Variants in GDAP1 observed in about 807,000 individuals in gnomAD.
The protein encoded by GDAP1 is ganglioside induced differentiation associated protein 1.
A neutral mutation model predicts 40.1 loss-of-function variants in GDAP1; 34 were observed. The observed-to-expected ratio is 0.85, with a 90% CI of 0.64 to 1.13. GDAP1 has a LOEUF of 1.13. Among genes scored for constraint, GDAP1 ranks in the 50% most tolerant of loss-of-function variants. The pLI, the probability that GDAP1 is intolerant of heterozygous loss-of-function variation, is 0.00. For missense variants in GDAP1, 374 were observed against 433.7 expected, an observed-to-expected ratio of 0.86 and a Z score of 1.22; for synonymous variants, 170 against 157.4, an observed-to-expected ratio of 1.08 and a Z score of -0.60.
chr8:74,391,566 A>G (rs1400398044), intron 2 of GDAP1, among the ~76,000 whole-genome samples: 3 of 151,684 alleles, frequency 2.0e-5, no homozygotes, highest in African/African-American at 4.8e-5. Flanking sequence ...GAAATGCAGA[A>G]ATCACCCACC....
intron 2 of GDAP1, among the ~76,000 whole-genome samples, chr8:74,458,336 C>T (rs1292476017): frequency 6.6e-6 from 1 of 151,664 alleles, no homozygotes; most frequent in African/African-American, 2.4e-5. Context: ...CCAGATTGTC[C>T]CAAGACACCA....
At chr8:74,392,072 G>T (rs1810118950) in intron 2 of GDAP1, among the ~76,000 whole-genome samples, 1 of 152,108 alleles carries the variant, frequency 6.6e-6, no homozygotes, top group Admixed American at 6.6e-5. Flanking sequence ...GCCTTCCTCG[G>T]CCTCCCAAAG....
downstream of GDAP1, among the ~76,000 whole-genome samples, chr8:74,371,547 C>T (rs937844850): frequency 5.9e-5 from 9 of 151,704 alleles, no homozygotes; most frequent in African/African-American, 1.7e-4. Flanking sequence ...GTAGTCCCAG[C>T]TACTTGGGAG....
chr8:74,482,651 G>A (rs2084004574), intron 2 of GDAP1, among the ~76,000 whole-genome samples: 1 of 152,134 alleles, frequency 6.6e-6, no homozygotes, highest in African/African-American at 2.4e-5. Flanking sequence ...TCATTTGGAA[G>A]CAACGTTTCC....
chr8:74,398,353 G>A (rs1340614172), intron 2 of GDAP1, among the ~76,000 whole-genome samples: 2 of 152,216 alleles, frequency 1.3e-5, no homozygotes, highest in East Asian at 3.9e-4. Context: ...TTGAGTCTAT[G>A]TGTGTCTCTG....
chr8:74,470,423 G>A (rs1230317561), intron 2 of GDAP1, among the ~76,000 whole-genome samples: 3 of 151,944 alleles, frequency 2.0e-5, no homozygotes, highest in Admixed American at 6.6e-5. Flanking sequence ...CCCACAACAG[G>A]CCCCGGTGTG....
chr8:74,354,561 A>G (rs1809016827), intron 2 of GDAP1, among the ~76,000 whole-genome samples: 1 of 152,240 alleles, frequency 6.6e-6, no homozygotes, highest in Admixed American at 6.5e-5. Context: ...AAAATAAGAT[A>G]AAGTTTAACA....
chr8:74,473,969 C>T (rs974770503), intron 2 of GDAP1, among the ~76,000 whole-genome samples: 3 of 151,956 alleles, frequency 2.0e-5, no homozygotes, highest in Non-Finnish European at 4.4e-5. Context: ...ATTTGTTTCA[C>T]CTCTGTTTCC....
At chr8:74,450,825 A>AT (rs59390981) in intron 2 of GDAP1, among the ~76,000 whole-genome samples, 75,975 of 76,038 alleles carry the variant, frequency 1, 37,972 homozygotes, top group Middle Eastern at 1. Context: ...TGAATAATGT[A>AT]TTTTTTTTCC....
intron 2 of GDAP1, among the ~76,000 whole-genome samples, chr8:74,357,655 A>G (rs892093042): frequency 4.6e-5 from 7 of 152,146 alleles, no homozygotes; most frequent in Non-Finnish European, 7.4e-5. Flanking sequence ...TCTTGTGCCA[A>G]CTTATTTGTT....
intron 2 of GDAP1, among the ~76,000 whole-genome samples, chr8:74,447,982 G>T (rs1399445022): frequency 6.6e-6 from 1 of 152,182 alleles, no homozygotes; most frequent in Non-Finnish European, 1.5e-5. Context: ...TTCTGGTACT[G>T]TGTTTTGGAT....
chr8:74,443,548 C>G (rs542340555), intron 2 of GDAP1, among the ~76,000 whole-genome samples: 1 of 152,264 alleles, frequency 6.6e-6, no homozygotes, highest in African/African-American at 2.4e-5. Context: ...GGACTACTTC[C>G]TGCAGTCCCT....
At chr8:74,399,656 G>A (rs1391434420) in intron 2 of GDAP1, among the ~76,000 whole-genome samples, 1 of 130,628 alleles carries the variant, frequency 7.7e-6, no homozygotes, top group Admixed American at 7.4e-5. Context: ...TGTCAATTTT[G>A]GATCTTTCCT....
At chr8:74,362,538 C>T (rs1483539388) in intron 4 of GDAP1, among the ~76,000 whole-genome samples, 2 of 152,218 alleles carry the variant, frequency 1.3e-5, no homozygotes, top group African/African-American at 4.8e-5. Flanking sequence ...TTGACTGACT[C>T]TCCACTCGCC....
intron 2 of GDAP1, among the ~76,000 whole-genome samples, chr8:74,465,175 G>C (rs1386034660): frequency 1.3e-5 from 2 of 151,888 alleles, no homozygotes; most frequent in Non-Finnish European, 2.9e-5. Context: ...AGCTGAGATA[G>C]CACCACTTGC....
At chr8:74,455,808 T>G (rs1354969818) in intron 2 of GDAP1, among the ~76,000 whole-genome samples, 3 of 151,932 alleles carry the variant, frequency 2.0e-5, no homozygotes, top group Admixed American at 6.6e-5. Flanking sequence ...AGTGGATGCA[T>G]AGCAGACTAA....
chr8:74,480,931 T>C (rs900110362), intron 2 of GDAP1, among the ~76,000 whole-genome samples: 7 of 152,230 alleles, frequency 4.6e-5, no homozygotes, highest in African/African-American at 1.7e-4. Context: ...AATCTAAGAC[T>C]GTATCCTGAT....
intron 2 of GDAP1, among the ~76,000 whole-genome samples, chr8:74,374,180 T>G (rs1275799469): frequency 2.0e-5 from 3 of 152,224 alleles, no homozygotes. Context: ...TGAGGATTTT[T>G]ACATTGATGT....
chr8:74,461,919 A>G (rs1171832014), intron 2 of GDAP1, among the ~76,000 whole-genome samples: 1 of 152,252 alleles, frequency 6.6e-6, no homozygotes, highest in East Asian at 1.9e-4. Context: ...TCCAGCAGAA[A>G]GCATTTCATC....
Sources: allele counts gnomAD v4.1 joint callset (sites outside exome capture counted in the v4.1 genomes callset), GRCh38; gene constraint gnomAD v4.1.1; transcripts MANE v1.5; gene names NCBI Gene and HGNC (gene_info 2026-07-23, HGNC 2026-07-21).